The following GPC6 variants were observed in gnomAD, a reference collection of about 807,000 sequenced individuals.
GPC6 encodes glypican-6.
Under a neutral mutation model 55.2 loss-of-function variants are expected in GPC6, and 14 were observed. The ratio of observed to expected loss-of-function variants is 0.25; its 90% CI spans 0.17 to 0.40. The LOEUF (loss-of-function observed/expected upper bound fraction) is 0.40, where lower values mean the gene tolerates loss of function less well. Ranked by LOEUF, GPC6 falls within the 10% of genes least tolerant of loss-of-function variation. The pLI is 1.00. For synonymous variants in GPC6, 278 were observed against 259.6 expected, an observed-to-expected ratio of 1.07 and a Z score of -0.68; for missense variants, 641 against 708.5, an observed-to-expected ratio of 0.90 and a Z score of 1.08.
intron 6 of GPC6, among the ~76,000 whole-genome samples, chr13:94,349,823 C>T (rs1878452538): frequency 6.6e-6 from 1 of 152,168 alleles, no homozygotes; most frequent in East Asian, 1.9e-4. Flanking sequence ...CTTTGCCACA[C>T]AGTCTCGGGT....
intron 1 of GPC6, among the ~76,000 whole-genome samples, chr13:93,394,509 A>G (rs1177098751): frequency 1.3e-5 from 2 of 152,228 alleles, no homozygotes; most frequent in Non-Finnish European, 2.9e-5. Context: ...AGCCCCTGAT[A>G]GTTCCTCTCT....
At chr13:94,377,175 G>T (rs916710757) in intron 6 of GPC6, among the ~76,000 whole-genome samples, 7 of 151,814 alleles carry the variant, frequency 4.6e-5, no homozygotes, top group African/African-American at 1.5e-4. Flanking sequence ...AAAAGCAATG[G>T]CAACAAAAGA....
chr13:93,314,338 G>T (rs944616467), intron 1 of GPC6, among the ~76,000 whole-genome samples: 5 of 152,136 alleles, frequency 3.3e-5, no homozygotes, highest in African/African-American at 1.2e-4. Context: ...GATCACATCA[G>T]TTAAGCACAG....
At chr13:93,532,761 G>T (rs1881918123) in intron 1 of GPC6, among the ~76,000 whole-genome samples, 1 of 152,118 alleles carries the variant, frequency 6.6e-6, no homozygotes, top group Admixed American at 6.6e-5. Context: ...ACTGGCAGAA[G>T]AACTAAGAAG....
intron 3 of GPC6, among the ~76,000 whole-genome samples, chr13:93,994,856 T>C (rs190624107): frequency 3.0e-3 from 458 of 152,332 alleles, no homozygotes; most frequent in Admixed American, 8.0e-3. Context: ...TTATCAAACA[T>C]ATACCGTGAG....
chr13:94,210,427 G>T (rs766276912), intron 4 of GPC6, among the ~76,000 whole-genome samples: 5 of 152,126 alleles, frequency 3.3e-5, no homozygotes, highest in Admixed American at 6.6e-5. Context: ...AAAGTGCTGG[G>T]ATTACAGGCA....
chr13:94,292,251 G>A (rs1419287548), intron 5 of GPC6, among the ~76,000 whole-genome samples: 2 of 84,556 alleles, frequency 2.4e-5, no homozygotes, highest in South Asian at 6.1e-4. Context: ...CTCGCTAATC[G>A]ATGCATAACC....
At chr13:93,410,742 T>C (rs763126143) in intron 1 of GPC6, among the ~76,000 whole-genome samples, 1 of 152,196 alleles carries the variant, frequency 6.6e-6, no homozygotes, top group Non-Finnish European at 1.5e-5. Context: ...TCCAGGATAG[T>C]CTTTGAGTTT....
intron 1 of GPC6, among the ~76,000 whole-genome samples, chr13:93,422,507 A>C (rs1566348443): frequency 1.3e-5 from 2 of 152,222 alleles, no homozygotes; most frequent in Non-Finnish European, 2.9e-5. Context: ...TAAAATAATA[A>C]AACAGTTATG....
chr13:93,752,496 C>T (rs188395315), intron 2 of GPC6, among the ~76,000 whole-genome samples: 96 of 151,470 alleles, frequency 6.3e-4, no homozygotes, highest in African/African-American at 2.0e-3. Flanking sequence ...TAGGAATAAT[C>T]GGTTGCAATC....
chr13:93,677,811 T>C (rs1881698913), intron 2 of GPC6, among the ~76,000 whole-genome samples: 1 of 152,154 alleles, frequency 6.6e-6, no homozygotes, highest in Non-Finnish European at 1.5e-5. Context: ...ATAATTTCTA[T>C]AAAGCATATC....
chr13:94,095,972 C>A (rs534216528), intron 4 of GPC6, among the ~76,000 whole-genome samples: 1 of 151,930 alleles, frequency 6.6e-6, no homozygotes, highest in African/African-American at 2.4e-5. Context: ...AGAATGCCAC[C>A]CAAATGGAGA....
chr13:94,119,057 T>C (rs75760276), intron 4 of GPC6, among the ~76,000 whole-genome samples: 2,727 of 152,068 alleles, frequency 0.018, 75 homozygotes, highest in African/African-American at 0.061. Context: ...TATATATATA[T>C]ACATTTAAAA....
At chr13:94,254,705 C>CA (rs1566598706) in intron 4 of GPC6, among the ~76,000 whole-genome samples, 1 of 151,878 alleles carries the variant, frequency 6.6e-6, no homozygotes, top group South Asian at 2.1e-4. Flanking sequence ...TTGAATCTTT[C>CA]AAAAAAATCT....
chr13:94,163,804 A>C (rs1594008504), intron 4 of GPC6, among the ~76,000 whole-genome samples: 1 of 152,160 alleles, frequency 6.6e-6, no homozygotes, highest in Admixed American at 6.5e-5. Context: ...TTTTCTTAAA[A>C]TTGGAGGCAG....
At chr13:94,290,619 A>T (rs544948932) in intron 5 of GPC6, among the ~76,000 whole-genome samples, 43 of 152,272 alleles carry the variant, frequency 2.8e-4, no homozygotes, top group Non-Finnish European at 5.1e-4. Context: ...TAATTAACAA[A>T]TGCATTGCAC....
chr13:93,539,514 T>C (rs1882200117), intron 1 of GPC6, among the ~76,000 whole-genome samples: 1 of 152,086 alleles, frequency 6.6e-6, no homozygotes, highest in Non-Finnish European at 1.5e-5. Context: ...GGAGGGTCCA[T>C]AGAGTCGGGC....
chr13:94,389,711 C>T (rs1056394940), intron 7 of GPC6, among the ~76,000 whole-genome samples: 2 of 152,114 alleles, frequency 1.3e-5, no homozygotes, highest in Admixed American at 6.5e-5. Flanking sequence ...GAGCCAAGTC[C>T]CACTGGCACA....
At chr13:94,333,824 A>C (rs1247870892) in intron 6 of GPC6, among the ~76,000 whole-genome samples, 2 of 152,196 alleles carry the variant, frequency 1.3e-5, no homozygotes, top group Non-Finnish European at 2.9e-5. Context: ...GGGAGCATGC[A>C]ATGAAGATAG....
Sources: gnomAD v4.1 joint callset for allele counts (sites outside exome capture counted in the v4.1 genomes callset) on GRCh38, gnomAD v4.1.1 for gene constraint, MANE v1.5 for transcripts, NCBI Gene and HGNC (gene_info 2026-07-23, HGNC 2026-07-21) for gene names.